Variants in IFI44L observed in about 807,000 individuals in gnomAD.
The protein encoded by IFI44L is interferon-induced protein 44-like.
A neutral mutation model predicts 39.3 loss-of-function variants in IFI44L; 40 were observed. The observed-to-expected ratio is 1.02, with a 90% CI of 0.79 to 1.33. The LOEUF is 1.33. Ranked by LOEUF, IFI44L falls within the 40% of genes most tolerant of loss-of-function variation. IFI44L has a pLI of 0.00. For synonymous variants in IFI44L, 198 were observed against 182.3 expected (o/e 1.09, Z -0.69); for missense variants, 623 against 549.0 (o/e 1.13, Z -1.35).
At position 78,645,791 on chromosome 1, in the gene IFI44L, A is replaced by G. The variant is rs1647039559; in HGVS notation, c.*3982A>G. On this transcript the variant is annotated 3_prime_UTR_variant, in exon 9 of 9. Coordinates refer to ENST00000370751, the MANE Select transcript of IFI44L (RefSeq NM_006820.4). ...AAGGAGGATAAAAACTTGCATACCA[A>G]TTGTACACCCTTGCAAAATCTTTCT... 1 of 152,202 alleles carries G rather than the reference A, an allele frequency of 6.6e-6. No homozygotes were observed. Among genetic ancestry groups the G allele is most frequent in the South Asian group, 2.1e-4 (1 of 4,828 alleles). The allele number at this position is 152,202 out of a possible 1,614,324, so 9.4% of individuals were successfully genotyped here.
At chr1:78,638,942 G>T (rs998056105) in intron 6 of IFI44L, among the ~76,000 whole-genome samples, 1 of 152,024 alleles carries the variant, frequency 6.6e-6, no homozygotes, top group Non-Finnish European at 1.5e-5. Context: ...CTTACATCTT[G>T]TGTTTTAGCA....
intron 4 of IFI44L, among the ~76,000 whole-genome samples, chr1:78,633,700 A>T (rs567975990): frequency 1.3e-5 from 2 of 152,218 alleles, no homozygotes; most frequent in Non-Finnish European, 2.9e-5. Context: ...TGACGTCAGT[A>T]AAGAGAGAAA....
At chr1:78,625,036 G>C (rs1330743065) in intron 1 of IFI44L, among the ~76,000 whole-genome samples, 1 of 150,950 alleles carries the variant, frequency 6.6e-6, no homozygotes, top group African/African-American at 2.4e-5. Context: ...GTCATGACAT[G>C]CTTTGACTCA....
intron 1 of IFI44L, among the ~76,000 whole-genome samples, chr1:78,621,904 T>C (rs2100466521): frequency 6.6e-6 from 1 of 152,248 alleles, no homozygotes; most frequent in Admixed American, 6.5e-5. Context: ...TTCCATCGCT[T>C]TGAGTATTTA....
chr1:78,630,536 A>G (rs1045386143), intron 4 of IFI44L, among the ~76,000 whole-genome samples: 8 of 152,186 alleles, frequency 5.3e-5, no homozygotes, highest in South Asian at 4.1e-4. Context: ...ATGCTTTTCA[A>G]TGTTATCATG....
chr1:78,625,631 T>G (rs1393618374), intron 1 of IFI44L: 1 of 152,108 alleles, frequency 6.6e-6, no homozygotes, highest in Non-Finnish European at 1.5e-5. Flanking sequence ...TGTCCATTAA[T>G]ATTTCTGTCC....
rs753438020 is a variant in IFI44L at position 78,636,939 on chromosome 1, C to T, written c.877-93C>T. Reference sequence around the variant, plus strand: ...AGTAGCTGAGGAGAAAGAGGGAGATCAGTAGTTACAGTATTAGAAGCATTA... The same window carrying T: ...AGTAGCTGAGGAGAAAGAGGGAGATTAGTAGTTACAGTATTAGAAGCATTA... On this transcript the variant is annotated intron_variant, in intron 5 of 8. Coordinates refer to ENST00000370751, the MANE Select transcript of IFI44L (RefSeq NM_006820.4). 18 of 871,698 alleles carry T rather than the reference C, an allele frequency of 2.1e-5. 1 individual carries two copies. Among genetic ancestry groups the T allele is most frequent in the Non-Finnish European group, 2.9e-5 (16 of 556,742 alleles). The allele number at this position is 871,698 out of a possible 1,614,324, so 54.0% of individuals were successfully genotyped here.
chr1:78,640,939 A>T, intron 6 of IFI44L, 82 bp from the exon 7 acceptor site: 1 of 918,390 alleles, frequency 1.1e-6, no homozygotes, highest in South Asian at 1.4e-5. Flanking sequence ...CACCCTATAG[A>T]GTTGCCTTCA....
chr1:78,622,710 G>T (rs1431441609), intron 1 of IFI44L, among the ~76,000 whole-genome samples: 1 of 152,138 alleles, frequency 6.6e-6, no homozygotes, highest in Non-Finnish European at 1.5e-5. Context: ...TGTTGGGGAG[G>T]CCCATTTGGC....
At chr1:78,638,302 G>T (rs1653026797) in intron 6 of IFI44L, among the ~76,000 whole-genome samples, 1 of 151,924 alleles carries the variant, frequency 6.6e-6, no homozygotes, top group African/African-American at 2.4e-5. Context: ...TTTTTTAGAA[G>T]TTGAATGTTA....
chr1:78,636,804 A>G (rs1481318663), intron 5 of IFI44L: 1 of 431,154 alleles, frequency 2.3e-6, no homozygotes, highest in Non-Finnish European at 4.1e-6. Flanking sequence ...ATGGATAATT[A>G]TCATTTTTAC....
intron 1 of IFI44L, among the ~76,000 whole-genome samples, chr1:78,624,018 C>CT (rs935227871): frequency 9.9e-5 from 15 of 151,606 alleles, no homozygotes; most frequent in Admixed American, 8.5e-4. Flanking sequence ...CCTTTCTTTT[C>CT]TTTTTTTGAG....
chr1:78,629,931 G>A lies in IFI44L; in HGVS notation c.723+16G>A, dbSNP rs1029027390. 5.0e-6 allele frequency: 8 copies of A among 1,602,460 alleles called. No individual in the cohort carries two copies. The African/African-American group carries it at 8.1e-5, about 16-fold the overall frequency. On this transcript the variant is annotated intron_variant, in intron 4 of 8. Coordinates refer to ENST00000370751, the MANE Select transcript of IFI44L (RefSeq NM_006820.4). ...AACCGAGCGGGTAAGTTATTTCCCT[G>A]AGGATTTTATTTTATAGATTACAAT...
At position 78,635,307 on chromosome 1, in the gene IFI44L, ACCT is replaced by A. The variant is rs201185613; in HGVS notation, c.724-29_724-27del. On this transcript the variant is annotated intron_variant, in intron 4 of 8. Transcript: ENST00000370751. ...GTCTTGAATGCTGGGTGATGAATGAACCTTTACACTTAATGTATTTTTTTAACA... is the reference window on the plus strand; with the variant it reads ...GTCTTGAATGCTGGGTGATGAATGAATTACACTTAATGTATTTTTTTAACA... 1,475 of 1,498,424 alleles carry A rather than the reference ACCT, an allele frequency of 9.8e-4. 7 individuals are homozygous for A. The highest frequency in any genetic ancestry group is 1.2e-4 in the Non-Finnish European group (127 of 1,082,272). 92.8% of individuals were successfully genotyped at this position (1,498,424 alleles called of 1,614,324 possible).
chr1:78,629,330 T>A lies in IFI44L; in HGVS notation c.527+331T>A, dbSNP rs1297489373. 2.0e-5 allele frequency among the ~76,000 whole-genome samples: 3 copies of A among 152,162 alleles called. No homozygotes were observed. In the East Asian group the frequency reaches 5.8e-4, roughly 29 times the overall value. On this transcript the variant is annotated intron_variant, in intron 3 of 8. Transcript: ENST00000370751. ...GTAAATGTCAAAAACAAACTTTCTT[T>A]TTAAATTTATAGATAGCTACATTGC...
In IFI44L at chr1:78,644,683, G is replaced by A. The variant is rs780928921; in HGVS notation, c.*2874G>A. On this transcript the variant is annotated 3_prime_UTR_variant, in exon 9 of 9. Coordinates refer to ENST00000370751, the MANE Select transcript of IFI44L (RefSeq NM_006820.4). ...ATTTTTGAAACTTTACATTCTTTAC[G>A]GTTAAGCAAGATGTACAGCTCAGTC... is the stretch of plus-strand genomic sequence containing the variant. The A allele has an allele frequency of 3.9e-5, 6 of 152,114 alleles. No individual in the cohort carries two copies. Among genetic ancestry groups the A allele is most frequent in the Middle Eastern group, 3.4e-3 (1 of 294 alleles). 9.4% of individuals were successfully genotyped at this position (152,114 alleles called of 1,614,324 possible).
rs1319776352 is a variant in IFI44L at position 78,643,772 on chromosome 1, T to C, written c.*1963T>C. ...GAAAACTTTTTAGATAGAAACTTGA[T>C]GTTTCTTAACGTTACATATATTATC... is the stretch of plus-strand genomic sequence containing the variant. On this transcript the variant is annotated 3_prime_UTR_variant, in exon 9 of 9. Coordinates refer to ENST00000370751, the MANE Select transcript of IFI44L (RefSeq NM_006820.4). The C allele has an allele frequency of 6.6e-6, 1 of 151,972 alleles. No individual in the cohort carries two copies. The highest frequency in any genetic ancestry group is 1.5e-5 in the Non-Finnish European group (1 of 67,996). 9.4% of individuals were successfully genotyped at this position (151,972 alleles called of 1,614,324 possible).
intron 7 of IFI44L, 29 bp from the exon 8 acceptor site, chr1:78,641,406 C>G (rs1423952037): frequency 3.8e-6 from 6 of 1,594,738 alleles, no homozygotes; most frequent in Non-Finnish European, 5.1e-6. Flanking sequence ...AAATACAGGA[C>G]TTACACTTTT....
rs775017613 is a variant in IFI44L, at chr1:78,642,017, C to T, written c.*208C>T. The T allele has an allele frequency of 1.0e-4, 64 of 614,476 alleles. No homozygotes were observed. The highest frequency in any genetic ancestry group is 3.1e-4 in the Admixed American group (11 of 35,032). The allele number at this position is 614,476 out of a possible 1,614,324, so 38.1% of individuals were successfully genotyped here. ...ACTGCAAACCACCCCTCCATATTTC[C>T]GTACCATTTACAATTCAGTTTCTGT... is the stretch of plus-strand genomic sequence containing the variant. On this transcript the variant is annotated 3_prime_UTR_variant, in exon 9 of 9. Coordinates refer to ENST00000370751, the MANE Select transcript of IFI44L (RefSeq NM_006820.4).
Sources: allele counts gnomAD v4.1 joint callset (sites outside exome capture counted in the v4.1 genomes callset), GRCh38; gene constraint gnomAD v4.1.1; transcripts MANE v1.5; gene names NCBI Gene and HGNC (gene_info 2026-07-23, HGNC 2026-07-21).